Variants in ATIC observed in about 807,000 individuals in gnomAD.
The protein encoded by ATIC is bifunctional purine biosynthesis protein ATIC.
A neutral mutation model predicts 72.5 loss-of-function variants in ATIC; 64 were observed. The ratio of observed to expected loss-of-function variants is 0.88; its 90% CI spans 0.72 to 1.09. ATIC has a LOEUF of 1.09. ATIC is among the 50% of genes least tolerant of loss of function. The pLI, the probability that ATIC is intolerant of heterozygous loss-of-function variation, is 0.00. For synonymous variants in ATIC, 281 were observed against 267.1 expected, an observed-to-expected ratio of 1.05 and a Z score of -0.51; for missense variants, 787 against 732.4, an observed-to-expected ratio of 1.07 and a Z score of -0.86.
intron 12 of ATIC, among the ~76,000 whole-genome samples, chr2:215,339,677 C>A (rs920736326): frequency 5.9e-5 from 9 of 152,114 alleles, no homozygotes; most frequent in African/African-American, 2.2e-4. Flanking sequence ...CTCTGTCACC[C>A]AGGCTGGAGT....
At chr2:215,344,913 T>C (rs375227684) in intron 13 of ATIC, 42 bp downstream of exon 13, 3 of 1,560,058 alleles carry the variant, frequency 1.9e-6, no homozygotes, top group South Asian at 1.1e-5. Flanking sequence ...ACTGTTGTTT[T>C]ACGAAATGAT....
At chr2:215,342,952 G>T (rs752309406) in intron 12 of ATIC, among the ~76,000 whole-genome samples, 27 of 152,312 alleles carry the variant, frequency 1.8e-4, no homozygotes, top group Non-Finnish European at 3.7e-4. Flanking sequence ...ATGAGCCACT[G>T]TGCCCAGCCT....
chr2:215,344,088 A>G (rs1340661241), intron 12 of ATIC, among the ~76,000 whole-genome samples: 1 of 152,190 alleles, frequency 6.6e-6, no homozygotes, highest in South Asian at 2.1e-4. Flanking sequence ...AATTCTCCGC[A>G]TTGGTTCTGA....
intron 2 of ATIC, 149 bp from the exon 3 acceptor site, chr2:215,318,008 T>TA: frequency 1.4e-6 from 1 of 705,796 alleles, no homozygotes; most frequent in Non-Finnish European, 2.4e-6. Flanking sequence ...ACTTAAGAAA[T>TA]AAAATATAGT....
chr2:215,367,301 ATCAAT>A, the ATIC span, among the ~76,000 whole-genome samples: 7 of 152,254 alleles, frequency 4.6e-5, no homozygotes, highest in Admixed American at 1.3e-4. Context: ...TCAAACATTT[ATCAAT>A]TCAAGTTGAT....
downstream of ATIC, among the ~76,000 whole-genome samples, chr2:215,350,429 G>T (rs1163604515): frequency 1.3e-5 from 2 of 152,106 alleles, no homozygotes; most frequent in Non-Finnish European, 2.9e-5. Context: ...CACCGTGCCC[G>T]GCCCTCATGC....
chr2:215,360,221 A>G, the ATIC span, among the ~76,000 whole-genome samples: 2 of 152,224 alleles, frequency 1.3e-5, no homozygotes, highest in Non-Finnish European at 2.9e-5. Flanking sequence ...TAGAGGTGTG[A>G]GCCACTGCGC....
chr2:215,322,041 C>T (rs886962032), intron 4 of ATIC, among the ~76,000 whole-genome samples: 1 of 151,874 alleles, frequency 6.6e-6, no homozygotes, highest in African/African-American at 2.4e-5. Flanking sequence ...GCTGGGGTTA[C>T]AGGTGCCCGC....
chr2:215,327,295 G>A (rs541101328), intron 7 of ATIC, among the ~76,000 whole-genome samples: 2 of 152,308 alleles, frequency 1.3e-5, no homozygotes, highest in Non-Finnish European at 2.9e-5. Context: ...TTGGGGTAAA[G>A]GCTTGGTAGG....
At chr2:215,342,774 G>T (rs2053033157) in intron 12 of ATIC, among the ~76,000 whole-genome samples, 1 of 152,174 alleles carries the variant, frequency 6.6e-6, no homozygotes, top group Non-Finnish European at 1.5e-5. Context: ...CCGCCTCCCG[G>T]GTTCAAGCGA....
At chr2:215,312,665 A>G (rs772516118) in intron 2 of ATIC, 41 bp downstream of exon 2, 2 of 1,614,012 alleles carry the variant, frequency 1.2e-6, no homozygotes, top group Non-Finnish European at 1.7e-6. Context: ...GTGTGATCAC[A>G]TTAACCAGGA....
At chr2:215,367,811 A>G in the ATIC span, 6 of 1,588,436 alleles carry the variant, frequency 3.8e-6, no homozygotes, top group African/African-American at 4.0e-5. Context: ...GAGTGCATGC[A>G]TGGAACTTGA....
At chr2:215,334,548 A>G (rs931199647) in intron 9 of ATIC, among the ~76,000 whole-genome samples, 3 of 152,246 alleles carry the variant, frequency 2.0e-5, no homozygotes, top group African/African-American at 7.2e-5. Context: ...TACTTGTTGA[A>G]TTTAATAACC....
chr2:215,366,569 T>C, the ATIC span, among the ~76,000 whole-genome samples: 4 of 152,238 alleles, frequency 2.6e-5, no homozygotes, highest in Admixed American at 2.0e-4. Flanking sequence ...CTTTAACTAC[T>C]ATACATAAGG....
At chr2:215,322,433 G>A (rs890472855) in intron 4 of ATIC, among the ~76,000 whole-genome samples, 7 of 149,804 alleles carry the variant, frequency 4.7e-5, no homozygotes, top group East Asian at 2.0e-4. Flanking sequence ...GGGTTCAAGC[G>A]ATTCTCATGC....
At chr2:215,317,390 A>G (rs1177643981) in intron 2 of ATIC, among the ~76,000 whole-genome samples, 1 of 152,176 alleles carries the variant, frequency 6.6e-6, no homozygotes, top group African/African-American at 2.4e-5. Context: ...TAAGGAATAT[A>G]TTTTTGTTTG....
At chr2:215,348,330 GA>G (rs2106046420) in intron 14 of ATIC, among the ~76,000 whole-genome samples, 2 of 152,100 alleles carry the variant, frequency 1.3e-5, no homozygotes, top group South Asian at 2.1e-4. Flanking sequence ...GGGTTTTTTT[GA>G]AAACCCTTGG....
chr2:215,348,297 C>T (rs1212106878), intron 14 of ATIC, among the ~76,000 whole-genome samples: 1 of 152,158 alleles, frequency 6.6e-6, no homozygotes, highest in Admixed American at 6.5e-5. Flanking sequence ...AACTACTCAT[C>T]TCTTTCCTAG....
the ATIC span, chr2:215,365,586 A>G: frequency 6.2e-7 from 1 of 1,614,006 alleles, no homozygotes; most frequent in Non-Finnish European, 8.5e-7. Context: ...TGACGGTCCC[A>G]CTTCTCTCCA....
Sources: gnomAD v4.1 joint callset for allele counts (sites outside exome capture counted in the v4.1 genomes callset) on GRCh38, gnomAD v4.1.1 for gene constraint, MANE v1.5 for transcripts, NCBI Gene and HGNC (gene_info 2026-07-23, HGNC 2026-07-21) for gene names.